DLG2: variants seen among roughly 807,000 people sequenced by gnomAD.
DLG2 encodes discs large MAGUK scaffold protein 2.
A neutral mutation model predicts 132.5 loss-of-function variants in DLG2; 45 were observed. The observed-to-expected ratio is 0.34, with a 90% CI of 0.27 to 0.44. The LOEUF is 0.44. DLG2 is among the 20% of genes least tolerant of loss of function. The probability of loss-of-function intolerance (pLI) is 1.00; values close to 1 mark genes in which losing one functional copy is unlikely to be tolerated. For missense variants in DLG2, 1,045 were observed against 1,196.9 expected, an observed-to-expected ratio of 0.87 and a Z score of 1.87; for synonymous variants, 424 against 419.6, an observed-to-expected ratio of 1.01 and a Z score of -0.13.
At chr11:84,931,925 G>A (rs1233755801) in intron 6 of DLG2, among the ~76,000 whole-genome samples, 4 of 152,142 alleles carry the variant, frequency 2.6e-5, no homozygotes, top group Admixed American at 1.3e-4. Context: ...CTTTTGAAAA[G>A]CGTCTGTTCA....
At chr11:84,611,146 CAAAT>C (rs1236728068) in intron 6 of DLG2, among the ~76,000 whole-genome samples, 1 of 151,960 alleles carries the variant, frequency 6.6e-6, no homozygotes, top group Non-Finnish European at 1.5e-5. Flanking sequence ...ACCGGCTTCT[CAAAT>C]AATACTGTCA....
chr11:84,595,354 C>T (rs1430977610), intron 6 of DLG2, among the ~76,000 whole-genome samples: 1 of 152,006 alleles, frequency 6.6e-6, no homozygotes, highest in East Asian at 1.9e-4. Context: ...CTCAAGTGAT[C>T]CACCCACCTC....
intron 6 of DLG2, among the ~76,000 whole-genome samples, chr11:84,714,593 CT>C (rs1226156892): frequency 1.8e-5 from 2 of 110,018 alleles, no homozygotes; most frequent in African/African-American, 7.5e-5. Flanking sequence ...TTCTCTTTCT[CT>C]TTCTTTCTCT....
chr11:83,492,244 A>G (rs777841910), intron 21 of DLG2, among the ~76,000 whole-genome samples: 2 of 152,056 alleles, frequency 1.3e-5, no homozygotes, highest in Non-Finnish European at 2.9e-5. Flanking sequence ...CATTAGACAT[A>G]GTTCATCATA....
chr11:85,300,263 A>C (rs2079506207), intron 3 of DLG2, among the ~76,000 whole-genome samples: 1 of 152,232 alleles, frequency 6.6e-6, no homozygotes, highest in Non-Finnish European at 1.5e-5. Flanking sequence ...GTATTAGCAC[A>C]ATAACACATT....
rs887992514 is a variant in DLG2 at position 83,811,245 on chromosome 11, T to C, written c.1722+22369A>G. On this transcript the variant is annotated intron_variant, in intron 17 of 27. Transcript: ENST00000376104. ...TTTACTATGGGAAATTGAAGAATACTTCTGCTTTGTTTAAGCACCCTTTTC... is the reference window on the plus strand; with the variant it reads ...TTTACTATGGGAAATTGAAGAATACCTCTGCTTTGTTTAAGCACCCTTTTC... Among the ~76,000 whole-genome samples the C allele has an allele frequency of 2.6e-5, 4 of 152,270 alleles. No individual in the cohort carries two copies. The East Asian group carries it at 7.7e-4, about 29-fold the overall frequency.
intron 8 of DLG2, among the ~76,000 whole-genome samples, chr11:84,179,767 T>C (rs1441739735): frequency 2.6e-5 from 4 of 152,058 alleles, no homozygotes; most frequent in African/African-American, 9.7e-5. Context: ...CTAACATAAC[T>C]GGGGAAAGGG....
At chr11:85,206,183 G>A (rs935833103) in intron 4 of DLG2, among the ~76,000 whole-genome samples, 8 of 152,060 alleles carry the variant, frequency 5.3e-5, no homozygotes, top group South Asian at 4.2e-4. Flanking sequence ...CTCCCCCTTC[G>A]CCTTCTGCCA....
At chr11:84,801,085 C>A (rs2075312314) in intron 6 of DLG2, among the ~76,000 whole-genome samples, 1 of 152,058 alleles carries the variant, frequency 6.6e-6, no homozygotes, top group African/African-American at 2.4e-5. Flanking sequence ...GAATAGGAGT[C>A]GATCTTAATT....
In DLG2 at chr11:84,618,316, T is replaced by C. The variant is rs199879745; in HGVS notation, c.358-83585A>G. 1.1e-4 allele frequency among the ~76,000 whole-genome samples: 16 copies of C among 152,194 alleles called. No homozygotes were observed. The East Asian group carries it at 2.9e-3, about 28-fold the overall frequency. ...AGGGAAGCAACATGATCAAAATCTATATTAAAAAGTTCCCACTTCCGTCAT... is the reference window on the plus strand; with the variant it reads ...AGGGAAGCAACATGATCAAAATCTACATTAAAAAGTTCCCACTTCCGTCAT... On this transcript the variant is annotated intron_variant, in intron 6 of 27. Transcript: ENST00000376104.
Position 84,381,832 on chromosome 11 carries a change from G to A in DLG2, c.520-130541C>T, listed in dbSNP as rs1052780149. Among the ~76,000 whole-genome samples the A allele has an allele frequency of 3.9e-5, 6 of 152,182 alleles. No homozygotes were observed. The South Asian group carries it at 1.0e-3, about 26-fold the overall frequency. ...GATATGGAAAAAGCAGCTGCTGCTA[G>A]AATGATTAAATTCCAACTGAACTTA... is the stretch of plus-strand genomic sequence containing the variant. On this transcript the variant is annotated intron_variant, in intron 7 of 27. Coordinates refer to ENST00000376104, the MANE Select transcript of DLG2 (RefSeq NM_001142699.3).
At chr11:84,407,527 T>A (rs897760438) in intron 7 of DLG2, among the ~76,000 whole-genome samples, 4 of 152,172 alleles carry the variant, frequency 2.6e-5, no homozygotes, top group African/African-American at 9.7e-5. Flanking sequence ...TAGGTCAGGT[T>A]ATGTTGTTGT....
intron 14 of DLG2, among the ~76,000 whole-genome samples, chr11:83,942,438 T>C (rs2082870135): frequency 6.6e-6 from 1 of 152,048 alleles, no homozygotes; most frequent in African/African-American, 2.4e-5. Context: ...TTAAAAAGAG[T>C]CTAGAAGCAT....
At chr11:83,465,748 T>C (rs1260646414) in intron 26 of DLG2, among the ~76,000 whole-genome samples, 1 of 152,242 alleles carries the variant, frequency 6.6e-6, no homozygotes, top group Admixed American at 6.5e-5. Flanking sequence ...ACCTTTATAC[T>C]AGCTCTATGA....
intron 6 of DLG2, among the ~76,000 whole-genome samples, chr11:84,658,889 G>A (rs755771467): frequency 6.6e-6 from 1 of 152,060 alleles, no homozygotes; most frequent in Non-Finnish European, 1.5e-5. Flanking sequence ...ATGCACACTG[G>A]ACTAACACAG....
At chr11:83,483,229 C>T in intron 22 of DLG2, 1 of 1,605,280 alleles carries the variant, frequency 6.2e-7, no homozygotes, top group Non-Finnish European at 8.5e-7. Flanking sequence ...AGAAAAGTTA[C>T]AGTGACCATT....
chr11:85,218,375 G>C (rs1339622551), intron 4 of DLG2, among the ~76,000 whole-genome samples: 1 of 151,902 alleles, frequency 6.6e-6, no homozygotes, highest in Non-Finnish European at 1.5e-5. Flanking sequence ...CAAACAGAAA[G>C]CAAATAACTC....
chr11:84,259,846 G>A (rs1265154358), intron 7 of DLG2, among the ~76,000 whole-genome samples: 1 of 152,052 alleles, frequency 6.6e-6, no homozygotes, highest in Non-Finnish European at 1.5e-5. Flanking sequence ...GTAATAGCAG[G>A]ACCAAGAGTC....
intron 7 of DLG2, among the ~76,000 whole-genome samples, chr11:84,413,153 T>C (rs773325880): frequency 2.6e-5 from 4 of 152,182 alleles, no homozygotes; most frequent in Non-Finnish European, 5.9e-5. Flanking sequence ...TATTTCTTGC[T>C]GTCAGATGTC....
Sources: allele counts gnomAD v4.1 joint callset (sites outside exome capture counted in the v4.1 genomes callset), GRCh38; gene constraint gnomAD v4.1.1; transcripts MANE v1.5; gene names NCBI Gene and HGNC (gene_info 2026-07-23, HGNC 2026-07-21).